EQTN: variants seen among roughly 807,000 people sequenced by gnomAD.
EQTN encodes equatorin, also known as Acrosome formation associated factor.
Under a neutral mutation model 26.9 loss-of-function variants are expected in EQTN, and 29 were observed. The observed-to-expected ratio is 1.08, with a 90% confidence interval of 0.80 to 1.47. EQTN has a LOEUF of 1.47. Among genes scored for constraint, EQTN ranks in the 40% most tolerant of loss-of-function variants. The pLI is 0.00. For missense variants in EQTN, 391 were observed against 346.1 expected (o/e 1.13, Z -1.03); for synonymous variants, 129 against 120.0 (o/e 1.07, Z -0.49).
At chr9:27,286,755 C>T (rs1257934181) in intron 6 of EQTN, among the ~76,000 whole-genome samples, 2 of 152,162 alleles carry the variant, frequency 1.3e-5, no homozygotes, top group African/African-American at 4.8e-5. Context: ...AAACGATTGA[C>T]TTACACACAA....
chr9:27,293,410 C>A (rs1459030535), intron 3 of EQTN, among the ~76,000 whole-genome samples: 3 of 152,172 alleles, frequency 2.0e-5, no homozygotes, highest in Non-Finnish European at 2.9e-5. Flanking sequence ...AACCCTTAGT[C>A]AAAGTTATCC....
At chr9:27,294,263 G>T in intron 3 of EQTN, 53 bp downstream of exon 3, 1 of 1,317,558 alleles carries the variant, frequency 7.6e-7, no homozygotes, top group Non-Finnish European at 1.1e-6. Context: ...TTGCTGTTTT[G>T]AAATCCTGCT....
At chr9:27,291,187 G>T in intron 4 of EQTN, 124 bp from the exon 5 acceptor site, 2 of 763,128 alleles carry the variant, frequency 2.6e-6, no homozygotes, top group Non-Finnish European at 4.0e-6. Context: ...CCTATAATGT[G>T]TCAGACCTGT....
At chr9:27,291,193 C>CT in intron 4 of EQTN, 130 bp from the exon 5 acceptor site, 2 of 725,420 alleles carry the variant, frequency 2.8e-6, no homozygotes, top group South Asian at 4.1e-5. Context: ...ATGTGTCAGA[C>CT]CTGTGGTTGG....
chr9:27,294,150 T>C (rs1820289911), intron 3 of EQTN, among the ~76,000 whole-genome samples, 166 bp downstream of exon 3: 1 of 152,196 alleles, frequency 6.6e-6, no homozygotes, highest in Non-Finnish European at 1.5e-5. Context: ...GCAGAGAGGA[T>C]GGCCAAGAAC....
chr9:27,296,927 T>C (rs753140659), intron 1 of EQTN, 53 bp downstream of exon 1: 2 of 1,594,850 alleles, frequency 1.3e-6, no homozygotes, highest in Non-Finnish European at 1.7e-6. Context: ...TTCATGATTA[T>C]GGGTCATCCT....
chr9:27,294,979 A>G (rs186169156), intron 2 of EQTN, among the ~76,000 whole-genome samples: 7 of 152,338 alleles, frequency 4.6e-5, no homozygotes, highest in Admixed American at 2.0e-4. Context: ...AAGACGGCAG[A>G]CTGGACATGC....
At chr9:27,288,439 G>C (rs1183660238) in intron 6 of EQTN, among the ~76,000 whole-genome samples, 1 of 152,156 alleles carries the variant, frequency 6.6e-6, no homozygotes, top group Non-Finnish European at 1.5e-5. Context: ...CCCTCCCAAA[G>C]TGCTAGGATT....
At position 27,296,881 on chromosome 9, in the gene EQTN, T is replaced by C; in HGVS notation, c.76+99A>G. ...ATACCATAGCTCCAACAATAAAGTTTATATCCTCCTGTAGAAAACTGCCAC... is the reference window on the plus strand; with the variant it reads ...ATACCATAGCTCCAACAATAAAGTTCATATCCTCCTGTAGAAAACTGCCAC... On this transcript the variant is annotated intron_variant, in intron 1 of 7. Transcript: ENST00000380032. The C allele has an allele frequency of 3.8e-6, 6 of 1,559,154 alleles. No homozygotes were observed. The South Asian group carries it at 7.2e-5, about 19-fold the overall frequency.
chr9:27,289,980 T>A (rs1296034152), intron 5 of EQTN, among the ~76,000 whole-genome samples: 2 of 152,210 alleles, frequency 1.3e-5, no homozygotes, highest in African/African-American at 4.8e-5. Flanking sequence ...GATAAATAAA[T>A]AACCTTGTTT....
At position 27,294,311 on chromosome 9, in the gene EQTN, C is replaced by T. The variant is rs1027415504; in HGVS notation, c.289+5G>A. ...ACATGTGCAATGGTGCCTTTCACTT[C>T]TTACCGTTTTTTAGAGCAAAATTCA... On this transcript the variant is annotated splice_donor_5th_base_variant and intron_variant, in intron 3 of 7. Coordinates refer to ENST00000380032, the MANE Select transcript of EQTN (RefSeq NM_020641.3). 13 of 1,604,886 alleles carry T rather than the reference C, an allele frequency of 8.1e-6. No individual in the cohort carries two copies. Among genetic ancestry groups the T allele is most frequent in the Non-Finnish European group, 1.1e-5 (13 of 1,173,602 alleles).
intron 7 of EQTN, 81 bp downstream of exon 7, chr9:27,286,128 C>T: frequency 7.2e-7 from 1 of 1,392,120 alleles, no homozygotes; most frequent in Non-Finnish European, 9.9e-7. Flanking sequence ...TCACATATTC[C>T]TAAGAATCTA....
intron 3 of EQTN, 45 bp downstream of exon 3, chr9:27,294,271 G>T: frequency 7.3e-7 from 1 of 1,376,164 alleles, no homozygotes; most frequent in African/African-American, 1.4e-5. Context: ...TTGAAATCCT[G>T]CTTTAATGGC....
intron 3 of EQTN, 32 bp from the exon 4 acceptor site, chr9:27,292,519 T>G (rs367951351): frequency 2.2e-6 from 3 of 1,340,372 alleles, no homozygotes; most frequent in Non-Finnish European, 3.2e-6. Context: ...TATCAGCATG[T>G]AAAAATACTG....
chr9:27,286,068 G>T, intron 7 of EQTN, 141 bp downstream of exon 7: 1 of 848,802 alleles, frequency 1.2e-6, no homozygotes, highest in Non-Finnish European at 1.8e-6. Flanking sequence ...TGCTCCATCC[G>T]AATAGGGTAA....
At chr9:27,285,074 C>T (rs1051076439) in intron 7 of EQTN, 102 bp from the exon 8 acceptor site, 52 of 976,844 alleles carry the variant, frequency 5.3e-5, no homozygotes, top group Middle Eastern at 2.5e-4. Context: ...GAATTTTGCC[C>T]AAAGTGTTAG....
chr9:27,291,663 T>G (rs1484476993), intron 4 of EQTN, among the ~76,000 whole-genome samples: 1 of 152,156 alleles, frequency 6.6e-6, no homozygotes, highest in East Asian at 1.9e-4. Context: ...ACTAAAGACG[T>G]TTAAGAAGGG....
intron 4 of EQTN, 120 bp downstream of exon 4, chr9:27,292,281 G>A (rs3739534): frequency 0.21 from 111,000 of 516,842 alleles, 13,547 homozygotes; most frequent in African/African-American, 0.39. Context: ...TTAAAAGGTA[G>A]CAGTATAAAT....
chr9:27,295,774 G>A (rs934366148), intron 2 of EQTN, among the ~76,000 whole-genome samples: 4 of 137,322 alleles, frequency 2.9e-5, no homozygotes, highest in African/African-American at 1.1e-4. Flanking sequence ...GGAACTTGGA[G>A]CGAGCAGAGA....
Sources: allele counts gnomAD v4.1 joint callset (sites outside exome capture counted in the v4.1 genomes callset), GRCh38; gene constraint gnomAD v4.1.1; transcripts MANE v1.5; gene names NCBI Gene and HGNC (gene_info 2026-07-23, HGNC 2026-07-21).